The following TTC17 variants were observed in gnomAD, a reference collection of about 807,000 sequenced individuals.
TTC17 encodes tetratricopeptide repeat protein 17.
TTC17 carries 58 observed loss-of-function variants against 143.8 expected under a neutral mutation model. The observed-to-expected ratio is 0.40, with a 90% confidence interval of 0.33 to 0.50. The LOEUF is 0.50. TTC17 is among the 20% of genes least tolerant of loss of function. The pLI is 0.49. For synonymous variants in TTC17, 501 were observed against 497.8 expected (o/e 1.01, Z -0.09); for missense variants, 1,273 against 1,392.5 (o/e 0.91, Z 1.37).
At chr11:43,381,233 TAGCAGTGCC>T (rs1403034734) in intron 2 of TTC17, among the ~76,000 whole-genome samples, 30 of 152,164 alleles carry the variant, frequency 2.0e-4, no homozygotes, top group African/African-American at 7.0e-4. Flanking sequence ...TTCATATGCA[TAGCAGTGCC>T]AGGTAAAATA....
In TTC17 at chr11:43,397,789, C is replaced by CTGGTCACTGATCAAAATAA. The variant is rs543607649; in HGVS notation, c.919-175_919-157dup. 2.1e-3 allele frequency among the ~76,000 whole-genome samples: 318 copies of CTGGTCACTGATCAAAATAA among 152,126 alleles called. 1 individual carries two copies. Among genetic ancestry groups the CTGGTCACTGATCAAAATAA allele is most frequent in the South Asian group, 0.014 (68 of 4,798 alleles). ...TAGTATGCCTTAATATTGTAGGGAT[C>CTGGTCACTGATCAAAATAA]TGGTCACTGATCAAAATAATGGTCA... On this transcript the variant is annotated intron_variant, in intron 7 of 23. Coordinates refer to ENST00000039989, the MANE Select transcript of TTC17 (RefSeq NM_018259.6).
chr11:43,490,061 T>C, intron 21 of TTC17, 178 bp from the exon 22 acceptor site: 1 of 728,138 alleles, frequency 1.4e-6, no homozygotes. Context: ...AGTATCAAGC[T>C]CACAGGATTG....
intron 21 of TTC17, among the ~76,000 whole-genome samples, chr11:43,473,815 G>A (rs760948858): frequency 1.1e-4 from 17 of 151,578 alleles, no homozygotes; most frequent in Admixed American, 4.6e-4. Context: ...ACTGGGAGGC[G>A]GAGGTTTCAG....
At chr11:43,393,855 C>T (rs955912438) in intron 5 of TTC17, among the ~76,000 whole-genome samples, 1 of 152,206 alleles carries the variant, frequency 6.6e-6, no homozygotes, top group Non-Finnish European at 1.5e-5. Context: ...ATTTATTTCT[C>T]ATAGTCTGGA....
chr11:43,414,795 C>T lies in TTC17; in HGVS notation c.2251+19C>T. On this transcript the variant is annotated intron_variant, in intron 16 of 23. Transcript: ENST00000039989. ...TGCAGTGGTAAGCAGCTTTCAAATG[C>T]TGACAAACTAATGAGCTCAGCCAGA... 2 of 1,605,896 alleles carry T rather than the reference C, an allele frequency of 1.2e-6. No homozygotes were observed. Among genetic ancestry groups the T allele is most frequent in the East Asian group, 4.5e-5 (2 of 44,716 alleles).
chr11:43,484,798 G>C (rs999359874), intron 21 of TTC17, among the ~76,000 whole-genome samples: 1 of 152,186 alleles, frequency 6.6e-6, no homozygotes, highest in Admixed American at 6.5e-5. Context: ...CCAGGCCACG[G>C]ATGGGTACTG....
At chr11:43,362,675 C>T (rs1381626515) in intron 1 of TTC17, among the ~76,000 whole-genome samples, 1 of 152,164 alleles carries the variant, frequency 6.6e-6, no homozygotes, top group African/African-American at 2.4e-5. Flanking sequence ...CATGGTTACT[C>T]CCATGCATTG....
At chr11:43,467,017 T>C (rs1947987223) in intron 21 of TTC17, 1 of 153,326 alleles carries the variant, frequency 6.5e-6, no homozygotes, top group African/African-American at 2.4e-5. Context: ...TTTCATTATG[T>C]CCCTCCACGT....
At chr11:43,455,084 T>A (rs1003195093) in intron 21 of TTC17, among the ~76,000 whole-genome samples, 4 of 150,430 alleles carry the variant, frequency 2.7e-5, no homozygotes, top group Non-Finnish European at 3.0e-5. Flanking sequence ...ATGCAAAAAA[T>A]AATAATAATA....
At chr11:43,394,483 T>C (rs894085535) in intron 5 of TTC17, among the ~76,000 whole-genome samples, 2 of 152,098 alleles carry the variant, frequency 1.3e-5, no homozygotes, top group Non-Finnish European at 1.5e-5. Flanking sequence ...TTGTTAGTAG[T>C]GGAAATGAGA....
chr11:43,406,913 G>T (rs796598232), intron 13 of TTC17, among the ~76,000 whole-genome samples: 2 of 152,188 alleles, frequency 1.3e-5, no homozygotes, highest in African/African-American at 4.8e-5. Context: ...TAATGTGTGG[G>T]GGTATATATG....
chr11:43,420,165 AT>A (rs1299865303), intron 16 of TTC17, among the ~76,000 whole-genome samples: 1 of 152,216 alleles, frequency 6.6e-6, no homozygotes, highest in Non-Finnish European at 1.5e-5. Context: ...AAAGATTGTG[AT>A]TTACTCAAAT....
chr11:43,412,354 G>T (rs531613433), intron 15 of TTC17, among the ~76,000 whole-genome samples: 21 of 152,098 alleles, frequency 1.4e-4, no homozygotes, highest in Admixed American at 1.2e-3. Context: ...CAAGTGTGGT[G>T]GTATGCACCT....
At chr11:43,490,647 A>G (rs1948457430) in intron 22 of TTC17, 1 of 191,924 alleles carries the variant, frequency 5.2e-6, no homozygotes, top group Non-Finnish European at 1.1e-5. Context: ...GCCACCCAAC[A>G]TACAGCAAAT....
intron 21 of TTC17, among the ~76,000 whole-genome samples, chr11:43,475,418 A>G (rs1223335950): frequency 6.6e-6 from 1 of 152,140 alleles, no homozygotes; most frequent in Non-Finnish European, 1.5e-5. Flanking sequence ...CTACAGCCTC[A>G]ACCTCCCAGG....
chr11:43,448,196 T>G lies in TTC17; in HGVS notation c.2786+74T>G, dbSNP rs547007627. 294 of 1,570,154 alleles carry G rather than the reference T, an allele frequency of 1.9e-4. 5 individuals carry two copies. The South Asian group carries it at 3.2e-3, about 17-fold the overall frequency. ...AACCCAGCTGACTTTAAGGATCCCC[T>G]CTTAGCAGCTAGTAGAAGAGTTATC... On this transcript the variant is annotated intron_variant, in intron 19 of 23. Transcript: ENST00000039989.
chr11:43,385,556 A>C (rs1373530702), intron 2 of TTC17: 6 of 152,110 alleles, frequency 3.9e-5, no homozygotes, highest in Non-Finnish European at 7.4e-5. Context: ...GCTTAGATAT[A>C]TTTAGATATG....
chr11:43,435,663 T>C (rs1947276031), intron 16 of TTC17, among the ~76,000 whole-genome samples: 1 of 152,234 alleles, frequency 6.6e-6, no homozygotes, highest in African/African-American at 2.4e-5. Flanking sequence ...ATTGTTGACT[T>C]TCTGCCATCA....
chr11:43,408,767 G>T (rs1281848565), intron 15 of TTC17, among the ~76,000 whole-genome samples: 1 of 151,752 alleles, frequency 6.6e-6, no homozygotes, highest in Non-Finnish European at 1.5e-5. Flanking sequence ...TTTGAGACAG[G>T]TTCTTGCTCT....
Sources: gnomAD v4.1 joint callset for allele counts (sites outside exome capture counted in the v4.1 genomes callset) on GRCh38, gnomAD v4.1.1 for gene constraint, MANE v1.5 for transcripts, NCBI Gene and HGNC (gene_info 2026-07-23, HGNC 2026-07-21) for gene names.